DPP10: variants seen among roughly 807,000 people sequenced by gnomAD.
DPP10 encodes the protein dipeptidyl peptidase like 10.
In DPP10, 33 loss-of-function variants were observed where a neutral mutation model predicts 120.9. The observed-to-expected ratio is 0.27, with a 90% CI of 0.21 to 0.37. The LOEUF is 0.37. Among genes scored for constraint, DPP10 ranks in the 10% least tolerant of loss-of-function variants. DPP10 has a pLI of 1.00. For synonymous variants in DPP10, 337 were observed against 326.1 expected, an observed-to-expected ratio of 1.03 and a Z score of -0.36; for missense variants, 816 against 942.8, an observed-to-expected ratio of 0.87 and a Z score of 1.76.
At chr2:114,701,617 T>A (rs1372342030) in intron 1 of DPP10, among the ~76,000 whole-genome samples, 1 of 152,138 alleles carries the variant, frequency 6.6e-6, no homozygotes, top group African/African-American at 2.4e-5. Flanking sequence ...TAATCAGTAA[T>A]GTTAGTGCCA....
At chr2:115,010,775 T>TAAATCCTTTTTA (rs1340948237) in intron 1 of DPP10, among the ~76,000 whole-genome samples, 1 of 152,222 alleles carries the variant, frequency 6.6e-6, no homozygotes, top group Non-Finnish European at 1.5e-5. Context: ...ATGTCATGGC[T>TAAATCCTTTTTA]AAATCCTTTT....
intron 3 of DPP10, among the ~76,000 whole-genome samples, chr2:115,437,173 C>A (rs760321488): frequency 6.6e-6 from 1 of 151,846 alleles, no homozygotes; most frequent in Non-Finnish European, 1.5e-5. Flanking sequence ...TGAATTAATT[C>A]AAAATAATGG....
chr2:115,668,717 G>A (rs4599118), intron 5 of DPP10, among the ~76,000 whole-genome samples: 1 of 151,950 alleles, frequency 6.6e-6, no homozygotes, highest in Non-Finnish European at 1.5e-5. Flanking sequence ...GATCTCCCAT[G>A]TGCACTTCTG....
At chr2:115,603,094 A>C (rs1390413386) in intron 5 of DPP10, among the ~76,000 whole-genome samples, 3 of 150,942 alleles carry the variant, frequency 2.0e-5, no homozygotes, top group East Asian at 3.9e-4. Flanking sequence ...CAACATGCTG[A>C]ATGTTATCAT....
At chr2:115,328,436 G>A (rs1454234539) in intron 2 of DPP10, among the ~76,000 whole-genome samples, 2 of 151,988 alleles carry the variant, frequency 1.3e-5, no homozygotes, top group Non-Finnish European at 2.9e-5. Context: ...TGTAATCAAT[G>A]GATGATAAGT....
At chr2:115,385,051 C>T (rs1241004423) in intron 3 of DPP10, among the ~76,000 whole-genome samples, 2 of 152,182 alleles carry the variant, frequency 1.3e-5, no homozygotes, top group Non-Finnish European at 2.9e-5. Flanking sequence ...CCTTTCACCT[C>T]CTGCCATTAT....
At chr2:115,653,296 T>TA (rs929384880) in intron 5 of DPP10, among the ~76,000 whole-genome samples, 1 of 151,888 alleles carries the variant, frequency 6.6e-6, no homozygotes, top group Non-Finnish European at 1.5e-5. Flanking sequence ...TAATACAAGT[T>TA]AAAAAAGAAT....
intron 1 of DPP10, among the ~76,000 whole-genome samples, chr2:115,030,438 A>G (rs1703758439): frequency 6.6e-6 from 1 of 152,114 alleles, no homozygotes. Context: ...TTCATTTTTC[A>G]ATTATGAGAC....
intron 9 of DPP10, 93 bp from the exon 10 acceptor site, chr2:115,745,993 C>G (rs1293697004): frequency 1.1e-6 from 1 of 926,250 alleles, no homozygotes; most frequent in East Asian, 3.0e-5. Context: ...TTTTCTAACA[C>G]AAAACAGTAA....
intron 21 of DPP10, among the ~76,000 whole-genome samples, chr2:115,827,780 G>C (rs890747434): frequency 7.3e-5 from 11 of 151,600 alleles, no homozygotes; most frequent in Non-Finnish European, 1.5e-4. Context: ...ATTATTAGTA[G>C]AGATGGGGGT....
intron 1 of DPP10, among the ~76,000 whole-genome samples, chr2:115,147,266 T>A (rs1036623224): frequency 7.2e-5 from 11 of 151,826 alleles, no homozygotes; most frequent in African/African-American, 2.7e-4. Context: ...AATTTCAGGC[T>A]AAGGAAAAAG....
At chr2:115,426,099 A>G (rs535654042) in intron 3 of DPP10, among the ~76,000 whole-genome samples, 5 of 128,074 alleles carry the variant, frequency 3.9e-5, no homozygotes, top group Admixed American at 8.1e-5. Flanking sequence ...CCGACGCTGG[A>G]GATGACATTT....
At chr2:114,602,923 G>A (rs1252723319) in intron 1 of DPP10, among the ~76,000 whole-genome samples, 1 of 152,028 alleles carries the variant, frequency 6.6e-6, no homozygotes. Flanking sequence ...GTTTGGAGTT[G>A]ATTCAGGTCG....
intron 3 of DPP10, among the ~76,000 whole-genome samples, chr2:115,377,298 G>T (rs933119753): frequency 5.3e-5 from 8 of 151,914 alleles, no homozygotes; most frequent in African/African-American, 1.9e-4. Flanking sequence ...TTCTCTGATG[G>T]CCAGTGATGG....
At chr2:114,494,421 G>C (rs1285395444) in intron 1 of DPP10, among the ~76,000 whole-genome samples, 3 of 152,162 alleles carry the variant, frequency 2.0e-5, no homozygotes, top group African/African-American at 7.2e-5. Context: ...GGATATTAAA[G>C]AGAGAAAGGT....
At chr2:115,297,256 GT>G in intron 1 of DPP10, 1 of 394,906 alleles carries the variant, frequency 2.5e-6, no homozygotes, top group Non-Finnish European at 5.2e-6. Flanking sequence ...TGCTGTTCCT[GT>G]TTTATGCCTA....
intron 1 of DPP10, among the ~76,000 whole-genome samples, chr2:114,603,825 AAAG>A (rs1692567617): frequency 6.6e-6 from 1 of 152,052 alleles, no homozygotes; most frequent in Admixed American, 6.6e-5. Context: ...TAAGTGTAAA[AAAG>A]AAGGAGTGTT....
At chr2:114,754,975 C>T (rs1679591531) in intron 1 of DPP10, among the ~76,000 whole-genome samples, 1 of 152,162 alleles carries the variant, frequency 6.6e-6, no homozygotes, top group African/African-American at 2.4e-5. Context: ...GTTTCTAAAT[C>T]ACACGTTATT....
intron 1 of DPP10, among the ~76,000 whole-genome samples, chr2:114,500,908 G>C (rs1368940231): frequency 6.6e-6 from 1 of 152,120 alleles, no homozygotes; most frequent in South Asian, 2.1e-4. Context: ...GGCAGCGGAG[G>C]GCAATGATGA....
Sources: allele counts gnomAD v4.1 joint callset (sites outside exome capture counted in the v4.1 genomes callset), GRCh38; gene constraint gnomAD v4.1.1; transcripts MANE v1.5; gene names NCBI Gene and HGNC (gene_info 2026-07-23, HGNC 2026-07-21).